TRPC5: variants seen among roughly 807,000 people sequenced by gnomAD.
The protein encoded by TRPC5 is short transient receptor potential channel 5.
In TRPC5, 9 loss-of-function variants were observed where a neutral mutation model predicts 56.5. That is an observed-to-expected ratio of 0.16 (90% CI 0.10 to 0.28). The LOEUF (loss-of-function observed/expected upper bound fraction) is 0.28, where lower values mean the gene tolerates loss of function less well. Among genes scored for constraint, TRPC5 ranks in the 10% least tolerant of loss-of-function variants. TRPC5 has a pLI of 1.00. For synonymous variants in TRPC5, 282 were observed against 278.5 expected (o/e 1.01, Z -0.13); for missense variants, 469 against 748.9 (o/e 0.63, Z 4.36).
At chrX:112,070,202 A>G (rs1930683609) in intron 1 of TRPC5, among the ~76,000 whole-genome samples, 1 of 112,114 alleles carries the variant, frequency 8.9e-6, no homozygotes, top group Non-Finnish European at 1.9e-5. Flanking sequence ...ATGTTTGCCA[A>G]TGGTGGCATT....
At chrX:111,955,182 G>T (rs1927201158) in intron 1 of TRPC5, among the ~76,000 whole-genome samples, 1 of 111,986 alleles carries the variant, frequency 8.9e-6, no homozygotes. Context: ...GAATTAGTCT[G>T]GTCTATGTAA....
intron 3 of TRPC5, 143 bp downstream of exon 3, chrX:111,912,148 G>A (rs1235403252): frequency 3.2e-6 from 2 of 630,391 alleles, no homozygotes; most frequent in South Asian, 3.5e-5. Context: ...TCTGTGCCTC[G>A]GATAAATGGG....
At chrX:111,877,555 T>C (rs1278027735) in intron 3 of TRPC5, among the ~76,000 whole-genome samples, 1 of 110,980 alleles carries the variant, frequency 9.0e-6, no homozygotes, top group East Asian at 2.8e-4. Context: ...AGGCAGGTAG[T>C]GTGGTGTGTA....
At chrX:111,993,454 A>C (rs985471310) in intron 1 of TRPC5, among the ~76,000 whole-genome samples, 10 of 112,037 alleles carry the variant, frequency 8.9e-5, no homozygotes, top group Non-Finnish European at 9.4e-5. Flanking sequence ...ATTTCTAGTT[A>C]TAGATCCTTA....
intron 1 of TRPC5, among the ~76,000 whole-genome samples, chrX:111,958,727 A>T (rs903167507): frequency 2.7e-5 from 3 of 112,304 alleles, no homozygotes; most frequent in Non-Finnish European, 5.6e-5. Context: ...GACCTCCAAG[A>T]AGGAAAAACT....
At chrX:112,049,678 C>A (rs1019327096) in intron 1 of TRPC5, among the ~76,000 whole-genome samples, 3 of 110,232 alleles carry the variant, frequency 2.7e-5, no homozygotes, top group African/African-American at 9.9e-5. Context: ...ATAAATAGAA[C>A]AAAATGTATT....
At chrX:111,937,278 C>A (rs1239304049) in intron 2 of TRPC5, among the ~76,000 whole-genome samples, 1 of 103,539 alleles carries the variant, frequency 9.7e-6, no homozygotes. Flanking sequence ...CGAAAATTTT[C>A]TCCCATTTTG....
intron 2 of TRPC5, among the ~76,000 whole-genome samples, chrX:111,935,279 T>C (rs1245561734): frequency 8.9e-6 from 1 of 112,442 alleles, no homozygotes; most frequent in Admixed American, 9.4e-5. Context: ...TTGAGAAATG[T>C]CTTTGTAGAT....
chrX:111,905,770 C>T (rs1282369097), intron 3 of TRPC5, among the ~76,000 whole-genome samples: 2 of 109,647 alleles, frequency 1.8e-5, no homozygotes, highest in African/African-American at 3.3e-5. Context: ...AAAAAATTAG[C>T]TGGGCGTGGT....
chrX:111,779,032 T>C lies in TRPC5; in HGVS notation c.2185A>G (p.Ile729Val). ...CCCTCATGTGTTTTGGAATTTCTTA[T>C]CATAGCAGCCACATATCTTTTGACT... The part of the protein sequence containing the change: ...NLVKRYVAAM[I>V]RNSKTHEGLT... Residue 729 changes from isoleucine to valine, a missense_variant, in exon 10 of 11, where the codon ATA becomes GTA. By Grantham distance (29) the Ile-to-Val change is conservative. Coordinates refer to ENST00000262839, the MANE Select transcript of TRPC5 (RefSeq NM_012471.3). 8.3e-7 allele frequency: 1 copy of C among 1,205,901 alleles called. No homozygotes were observed. Among genetic ancestry groups the C allele is most frequent in the Non-Finnish European group, 1.1e-6 (1 of 892,789 alleles).
intron 7 of TRPC5, among the ~76,000 whole-genome samples, chrX:111,802,013 A>T (rs758167381): frequency 8.9e-6 from 1 of 112,056 alleles, no homozygotes. Context: ...TTTATCACTT[A>T]CATTTAGGTC....
chrX:111,934,027 AC>A (rs1361312047), intron 2 of TRPC5, among the ~76,000 whole-genome samples: 1 of 110,209 alleles, frequency 9.1e-6, no homozygotes, highest in Non-Finnish European at 1.9e-5. Flanking sequence ...CTGAGAATTA[AC>A]CCCATGTCAG....
chrX:111,965,813 A>G (rs1270404767), intron 1 of TRPC5, among the ~76,000 whole-genome samples: 2 of 111,718 alleles, frequency 1.8e-5, no homozygotes, highest in African/African-American at 3.3e-5. Flanking sequence ...TCTCTGGGAC[A>G]CATTCAAAGC....
chrX:111,818,110 C>A (rs753974999), intron 7 of TRPC5, among the ~76,000 whole-genome samples: 1 of 111,561 alleles, frequency 9.0e-6, no homozygotes, highest in African/African-American at 3.3e-5. Flanking sequence ...ACTCAAGGCT[C>A]GACTCCGCAA....
intron 1 of TRPC5, among the ~76,000 whole-genome samples, chrX:112,066,844 G>C (rs186849330): frequency 8.9e-5 from 10 of 112,333 alleles, no homozygotes; most frequent in African/African-American, 2.9e-4. Flanking sequence ...GGCTGGCCTT[G>C]TTTTCTCCTT....
chrX:111,910,865 G>A (rs1407951563), intron 3 of TRPC5, among the ~76,000 whole-genome samples: 1 of 112,664 alleles, frequency 8.9e-6, no homozygotes, highest in Non-Finnish European at 1.9e-5. Flanking sequence ...CTGTATGCTC[G>A]GTATTTCGCT....
At chrX:112,012,680 G>A (rs1929022785) in intron 1 of TRPC5, among the ~76,000 whole-genome samples, 1 of 111,598 alleles carries the variant, frequency 9.0e-6, no homozygotes, top group African/African-American at 3.3e-5. Context: ...TGTGGAGCAG[G>A]GATTTGAATC....
At chrX:111,815,882 T>A (rs1921846982) in intron 7 of TRPC5, among the ~76,000 whole-genome samples, 1 of 111,240 alleles carries the variant, frequency 9.0e-6, no homozygotes, top group East Asian at 2.8e-4. Flanking sequence ...AATTTGTGCA[T>A]CCCTGGTGAT....
At chrX:112,009,778 T>TA (rs994272755) in intron 1 of TRPC5, among the ~76,000 whole-genome samples, 4 of 110,847 alleles carry the variant, frequency 3.6e-5, no homozygotes, top group Admixed American at 9.6e-5. Context: ...TTCTCACTCA[T>TA]AGGTGGGAAT....
Sources: gnomAD v4.1 joint callset for allele counts (sites outside exome capture counted in the v4.1 genomes callset) on GRCh38, gnomAD v4.1.1 for gene constraint, MANE v1.5 for transcripts, NCBI Gene and HGNC (gene_info 2026-07-23, HGNC 2026-07-21) for gene names.